The following PDE3A variants were observed in gnomAD, a reference collection of about 807,000 sequenced individuals.
PDE3A encodes the protein phosphodiesterase 3A.
In PDE3A, 43 loss-of-function variants were observed where a neutral mutation model predicts 98.3. The ratio of observed to expected loss-of-function variants is 0.44; its 90% CI spans 0.34 to 0.56. The LOEUF (loss-of-function observed/expected upper bound fraction) is 0.56, where lower values mean the gene tolerates loss of function less well. Among genes scored for constraint, PDE3A ranks in the 20% least tolerant of loss-of-function variants. The pLI is 0.01. For missense variants in PDE3A, 1,427 were observed against 1,440.7 expected (o/e 0.99, Z 0.15); for synonymous variants, 663 against 567.9 (o/e 1.17, Z -2.38).
Position 20,687,914 on chromosome 12 carries a change from G to GACA in PDE3A, c.*7644_*7645insCAA, listed in dbSNP as rs1946016104. On this transcript the variant is annotated 3_prime_UTR_variant, in exon 16 of 16. Coordinates refer to ENST00000359062, the MANE Select transcript of PDE3A (RefSeq NM_000921.5). ...GACCAGTCATTACCTCTTCCCAACA[G>GACA]AAAAAAAAAAAAAAAAAAAAAAACT... 1.1e-5 allele frequency among the ~76,000 whole-genome samples: 1 copy of GACA among 94,312 alleles called. No individual in the cohort carries two copies. The highest frequency in any genetic ancestry group is 4.3e-5 in the African/African-American group (1 of 23,402). 61.9% of individuals were successfully genotyped at this position (94,312 alleles called of 152,430 possible). A position where few individuals can be genotyped will look rare whatever the true frequency, so the allele number is the denominator to read the frequency against.
At chr12:20,604,785 G>T (rs1232739412) in intron 2 of PDE3A, among the ~76,000 whole-genome samples, 2 of 152,090 alleles carry the variant, frequency 1.3e-5, no homozygotes, top group Non-Finnish European at 1.5e-5. Context: ...GCACATCTTT[G>T]ATGAAGAGCC....
At chr12:20,507,445 A>C (rs1339281907) in intron 1 of PDE3A, among the ~76,000 whole-genome samples, 1 of 152,066 alleles carries the variant, frequency 6.6e-6, no homozygotes. Flanking sequence ...AATGCTTTAC[A>C]TCCCTTGATC....
intron 3 of PDE3A, 106 bp from the exon 4 acceptor site, chr12:20,616,124 T>C: frequency 1.0e-6 from 1 of 987,990 alleles, no homozygotes; most frequent in Non-Finnish European, 1.5e-6. Flanking sequence ...ACCAATGTAA[T>C]TTAGTCAATT....
At position 20,447,280 on chromosome 12, in the gene PDE3A, G is replaced by A. The variant is rs115791618; in HGVS notation, c.960+77036G>A. ...TGTGATATTGTAAAATATGTATTTG[G>A]TCTTCATCCCTGTTTTCTGTCATAC... On this transcript the variant is annotated intron_variant, in intron 1 of 15. Coordinates refer to ENST00000359062, the MANE Select transcript of PDE3A (RefSeq NM_000921.5). Among the ~76,000 whole-genome samples, 424 of 152,264 alleles carry A rather than the reference G, an allele frequency of 2.8e-3. 2 individuals are homozygous for A. Among genetic ancestry groups the A allele is most frequent in the African/African-American group, 9.2e-3 (381 of 41,546 alleles).
rs1458956039 is a variant in PDE3A, at chr12:20,680,386, T to C, written c.*115T>C. 3 of 1,088,960 alleles carry C rather than the reference T, an allele frequency of 2.8e-6. No individual in the cohort carries two copies. Among genetic ancestry groups the C allele is most frequent in the Non-Finnish European group, 4.0e-6 (3 of 753,028 alleles). The allele number at this position is 1,088,960 out of a possible 1,614,324, so 67.5% of individuals were successfully genotyped here. ...AAATTTGAGATGGGCAAATGGCTAT[T>C]GCATTTTGGGATTCTTCGCATTTTG... On this transcript the variant is annotated 3_prime_UTR_variant, in exon 16 of 16. Coordinates refer to ENST00000359062, the MANE Select transcript of PDE3A (RefSeq NM_000921.5).
chr12:20,526,907 TGTG>T, intron 1 of PDE3A, among the ~76,000 whole-genome samples: 1 of 150,836 alleles, frequency 6.6e-6, no homozygotes, highest in South Asian at 2.1e-4. Flanking sequence ...TGTGTGTGTG[TGTG>T]TGTGTGTGTG....
intron 1 of PDE3A, among the ~76,000 whole-genome samples, chr12:20,515,597 A>G: frequency 6.6e-6 from 1 of 152,206 alleles, no homozygotes; most frequent in Admixed American, 6.5e-5. Context: ...TCTACAATAA[A>G]CTGACCTTCC....
In PDE3A at chr12:20,369,519, A is replaced by AG; in HGVS notation, c.237dup (p.Leu80AlafsTer9). On this transcript the variant is annotated frameshift_variant, in exon 1 of 16. Transcript: ENST00000359062. LOFTEE classifies it high-confidence loss of function. ...GTCCTTTCTGCTGGCGCTGCTGGTG[A>AG]GGCTGGTCCGCGGGGAGGTCGGCTG... 6.4e-7 allele frequency: 1 copy of AG among 1,560,770 alleles called. No homozygotes were observed. The highest frequency in any genetic ancestry group is 8.7e-7 in the Non-Finnish European group (1 of 1,152,420).
chr12:20,474,575 C>T (rs1481523723), intron 1 of PDE3A, among the ~76,000 whole-genome samples: 1 of 152,180 alleles, frequency 6.6e-6, no homozygotes, highest in African/African-American at 2.4e-5. Flanking sequence ...AAGGTTTCAG[C>T]AGAGGCTTGC....
At chr12:20,515,312 G>A (rs1310432030) in intron 1 of PDE3A, among the ~76,000 whole-genome samples, 2 of 152,232 alleles carry the variant, frequency 1.3e-5, no homozygotes, top group Non-Finnish European at 2.9e-5. Flanking sequence ...TGATGATAAT[G>A]TAATATACCA....
intron 1 of PDE3A, among the ~76,000 whole-genome samples, chr12:20,531,140 C>G (rs1941587810): frequency 6.6e-6 from 1 of 152,132 alleles, no homozygotes; most frequent in African/African-American, 2.4e-5. Flanking sequence ...TTCTATTTAT[C>G]TTCATATTCT....
chr12:20,605,302 A>G (rs775937810), intron 2 of PDE3A, among the ~76,000 whole-genome samples: 6 of 152,196 alleles, frequency 3.9e-5, no homozygotes, highest in Non-Finnish European at 7.4e-5. Context: ...TGATCTACTC[A>G]GTGTACACTA....
rs140759925 is a variant in PDE3A at position 20,369,190 on chromosome 12, C to CGT, written c.-75_-74dup. On this transcript the variant is annotated 5_prime_UTR_variant, in exon 1 of 16. Coordinates refer to ENST00000359062, the MANE Select transcript of PDE3A (RefSeq NM_000921.5). Reference sequence around the variant, plus strand: ...GGTGGAATTGGGAAGAGCGTGCGTGCGTGTGTGTGTGTGTGTGTGTGCGCG... The same window carrying CGT: ...GGTGGAATTGGGAAGAGCGTGCGTGCGTGTGTGTGTGTGTGTGTGTGTGCGCG... 0.044 allele frequency: 28,692 copies of CGT among 651,878 alleles called. 268 individuals carry two copies. Among genetic ancestry groups the CGT allele is most frequent in the South Asian group, 0.12 (5,343 of 42,744 alleles). 40.4% of individuals were successfully genotyped at this position (651,878 alleles called of 1,614,324 possible).
At position 20,679,358 on chromosome 12, in the gene PDE3A, C is replaced by G. The variant is rs1055237579; in HGVS notation, c.3185-672C>G. Reference sequence around the variant, plus strand: ...CGCCTCCTGGGTTCACACCATTCTCCTGCCTCAACCTCCTGAGTAGCTGGG... The same window carrying G: ...CGCCTCCTGGGTTCACACCATTCTCGTGCCTCAACCTCCTGAGTAGCTGGG... On this transcript the variant is annotated intron_variant, in intron 15 of 15. Coordinates refer to ENST00000359062, the MANE Select transcript of PDE3A (RefSeq NM_000921.5). Among the ~76,000 whole-genome samples, 5 of 152,266 alleles carry G rather than the reference C, an allele frequency of 3.3e-5. No individual in the cohort carries two copies. The East Asian group carries it at 9.7e-4, about 29-fold the overall frequency.
chr12:20,503,279 G>A (rs975070224), intron 1 of PDE3A, among the ~76,000 whole-genome samples: 2 of 151,680 alleles, frequency 1.3e-5, no homozygotes, highest in African/African-American at 4.8e-5. Context: ...TTCTATACTA[G>A]TTTATAATAC....
chr12:20,388,727 C>T (rs960660929), intron 1 of PDE3A, among the ~76,000 whole-genome samples: 2 of 152,026 alleles, frequency 1.3e-5, no homozygotes, highest in Non-Finnish European at 1.5e-5. Context: ...ATCTGAGTTA[C>T]ATACACTGTA....
intron 1 of PDE3A, among the ~76,000 whole-genome samples, chr12:20,393,721 T>C (rs1943960901): frequency 6.6e-6 from 1 of 152,164 alleles, no homozygotes; most frequent in African/African-American, 2.4e-5. Flanking sequence ...TGTGTACTTT[T>C]GGAAATAATA....
intron 8 of PDE3A, 131 bp downstream of exon 8, chr12:20,635,187 G>A (rs541285829): frequency 7.9e-5 from 56 of 713,344 alleles, no homozygotes; most frequent in African/African-American, 4.8e-4. Flanking sequence ...TTGGGAGGAC[G>A]AAGCGGGCAG....
chr12:20,451,420 T>A (rs1338662281), intron 1 of PDE3A, among the ~76,000 whole-genome samples: 1 of 152,100 alleles, frequency 6.6e-6, no homozygotes, highest in African/African-American at 2.4e-5. Context: ...ATTATAGGTG[T>A]GTGCCACCAC....
Sources: allele counts gnomAD v4.1 joint callset (sites outside exome capture counted in the v4.1 genomes callset), GRCh38; gene constraint gnomAD v4.1.1; transcripts MANE v1.5; gene names NCBI Gene and HGNC (gene_info 2026-07-23, HGNC 2026-07-21).